The following WWC2 variants were observed in gnomAD, a reference collection of about 807,000 sequenced individuals.
WWC2 encodes the protein WW and C2 domain containing 2, also known as protein WWC2.
A neutral mutation model predicts 138.5 loss-of-function variants in WWC2; 101 were observed. That is an observed-to-expected ratio of 0.73 (90% CI 0.62 to 0.86). The LOEUF (loss-of-function observed/expected upper bound fraction) is 0.86. Among genes scored for constraint, WWC2 ranks in the 40% least tolerant of loss-of-function variants. The pLI, the probability that WWC2 is intolerant of heterozygous loss-of-function variation, is 0.00. For missense variants in WWC2, 1,420 were observed against 1,419.4 expected, an observed-to-expected ratio of 1.00 and a Z score of -0.01; for synonymous variants, 558 against 538.4, an observed-to-expected ratio of 1.04 and a Z score of -0.50.
chr4:183,216,509 A>G (rs955838061), intron 4 of WWC2, among the ~76,000 whole-genome samples: 2 of 152,222 alleles, frequency 1.3e-5, no homozygotes, highest in Non-Finnish European at 2.9e-5. Flanking sequence ...ATGAAAGATT[A>G]ACTACCACAA....
At chr4:183,103,270 A>C (rs1013079392) in intron 1 of WWC2, among the ~76,000 whole-genome samples, 2 of 151,066 alleles carry the variant, frequency 1.3e-5, no homozygotes, top group African/African-American at 4.9e-5. Flanking sequence ...GTCACAGTTA[A>C]CTTTTGGCTC....
chr4:183,298,504 T>G (rs1738714301), intron 21 of WWC2, among the ~76,000 whole-genome samples: 1 of 152,138 alleles, frequency 6.6e-6, no homozygotes, highest in South Asian at 2.1e-4. Flanking sequence ...GGTGTCAGAG[T>G]CAGATCTTAG....
At chr4:183,118,024 T>C (rs945933676) in intron 1 of WWC2, among the ~76,000 whole-genome samples, 2 of 152,090 alleles carry the variant, frequency 1.3e-5, no homozygotes, top group Non-Finnish European at 2.9e-5. Flanking sequence ...GGTCTTGAAC[T>C]GCTGACTTCG....
intron 1 of WWC2, among the ~76,000 whole-genome samples, chr4:183,169,952 T>C (rs1734231016): frequency 6.6e-6 from 1 of 152,240 alleles, no homozygotes; most frequent in African/African-American, 2.4e-5. Context: ...GAGAAGCTGC[T>C]GTAAATCACT....
At position 183,320,244 on chromosome 4, in the gene WWC2, A is replaced by G. The variant is rs1480252427; in HGVS notation, c.*4515A>G. On this transcript the variant is annotated 3_prime_UTR_variant, in exon 23 of 23. Coordinates refer to ENST00000403733, the MANE Select transcript of WWC2 (RefSeq NM_024949.6). ...TATAATGTCCTGAGAGCTTTAGCCAAACTAACTCCTGCCCTTCGGTTGCTG... is the reference window on the plus strand; with the variant it reads ...TATAATGTCCTGAGAGCTTTAGCCAGACTAACTCCTGCCCTTCGGTTGCTG... 6 of 1,586,170 alleles carry G rather than the reference A, an allele frequency of 3.8e-6. No homozygotes were observed. The highest frequency in any genetic ancestry group is 5.1e-6 in the Non-Finnish European group (6 of 1,165,618).
chr4:183,259,309 G>C (rs1386914279), intron 9 of WWC2, among the ~76,000 whole-genome samples: 1 of 152,154 alleles, frequency 6.6e-6, no homozygotes, highest in Non-Finnish European at 1.5e-5. Flanking sequence ...TCTTTGGTTA[G>C]TTTTTTGTTT....
intron 1 of WWC2, among the ~76,000 whole-genome samples, chr4:183,134,937 T>A (rs1042210215): frequency 9.9e-5 from 15 of 151,166 alleles, no homozygotes; most frequent in Admixed American, 2.0e-4. Flanking sequence ...TCTTTATTTT[T>A]TTTTTTTTAA....
chr4:183,309,486 G>A (rs1045660222), intron 21 of WWC2, among the ~76,000 whole-genome samples: 2 of 152,102 alleles, frequency 1.3e-5, no homozygotes, highest in African/African-American at 2.4e-5. Flanking sequence ...ATTTAACATC[G>A]TATGTCAATA....
intron 11 of WWC2, among the ~76,000 whole-genome samples, chr4:183,264,754 A>G (rs1034030620): frequency 6.6e-6 from 1 of 152,178 alleles, no homozygotes; most frequent in Non-Finnish European, 1.5e-5. Flanking sequence ...ACAAAGAAAA[A>G]CCATATTCTC....
At chr4:183,113,783 T>TA (rs1442134970) in intron 1 of WWC2, among the ~76,000 whole-genome samples, 1 of 151,390 alleles carries the variant, frequency 6.6e-6, no homozygotes, top group Non-Finnish European at 1.5e-5. Flanking sequence ...TTTTTTTTTT[T>TA]AGTGAGATAA....
intron 21 of WWC2, among the ~76,000 whole-genome samples, chr4:183,311,760 G>T (rs1005123601): frequency 6.6e-6 from 1 of 151,866 alleles, no homozygotes; most frequent in East Asian, 1.9e-4. Flanking sequence ...TATATTTTTA[G>T]TAGAGACGGG....
intron 1 of WWC2, among the ~76,000 whole-genome samples, chr4:183,192,979 TAAG>T (rs1735033927): frequency 6.6e-6 from 1 of 152,204 alleles, no homozygotes; most frequent in African/African-American, 2.4e-5. Context: ...AAAATGGTCT[TAAG>T]AGAGAGTATA....
At chr4:183,202,443 A>G (rs1057102961) in intron 2 of WWC2, among the ~76,000 whole-genome samples, 2 of 152,184 alleles carry the variant, frequency 1.3e-5, no homozygotes, top group Non-Finnish European at 2.9e-5. Context: ...ATCCACTGAC[A>G]AATGGAAAGT....
intron 4 of WWC2, among the ~76,000 whole-genome samples, chr4:183,237,578 T>C (rs1736466640): frequency 6.6e-6 from 1 of 152,212 alleles, no homozygotes; most frequent in Non-Finnish European, 1.5e-5. Context: ...CCTTTCCTCC[T>C]TTGAGTTCCA....
chr4:183,253,473 T>G (rs1737039518), intron 8 of WWC2, among the ~76,000 whole-genome samples: 1 of 152,198 alleles, frequency 6.6e-6, no homozygotes, highest in Non-Finnish European at 1.5e-5. Context: ...AGCCTCTGTG[T>G]ACTTGGCCTT....
At chr4:183,255,669 T>C (rs1737112518) in intron 9 of WWC2, among the ~76,000 whole-genome samples, 1 of 151,660 alleles carries the variant, frequency 6.6e-6, no homozygotes, top group Non-Finnish European at 1.5e-5. Flanking sequence ...ACATATTTGT[T>C]TGTCTTAGTT....
At chr4:183,236,020 T>C (rs1736413289) in intron 4 of WWC2, among the ~76,000 whole-genome samples, 2 of 152,232 alleles carry the variant, frequency 1.3e-5, no homozygotes, top group African/African-American at 4.8e-5. Flanking sequence ...CTGTTTTCAC[T>C]TGATTTTTGT....
At position 183,307,874 on chromosome 4, in the gene WWC2, GA is replaced by G. The variant is rs201032197; in HGVS notation, c.3385-4460del. 9.4e-3 allele frequency among the ~76,000 whole-genome samples: 1,422 copies of G among 152,084 alleles called. 8 individuals are homozygous for G. Among genetic ancestry groups the G allele is most frequent in the Non-Finnish European group, 0.014 (978 of 67,948 alleles). ...AATCTTAGCTAATGCAATAAGAAAA[GA>G]AAAAAAGGTATCCCGCTTGGGAAGG... On this transcript the variant is annotated intron_variant, in intron 21 of 22. Coordinates refer to ENST00000403733, the MANE Select transcript of WWC2 (RefSeq NM_024949.6).
At chr4:183,181,773 T>C (rs1278125029) in intron 1 of WWC2, among the ~76,000 whole-genome samples, 1 of 152,176 alleles carries the variant, frequency 6.6e-6, no homozygotes, top group Non-Finnish European at 1.5e-5. Flanking sequence ...ACCCCTGCAT[T>C]GTTCAGAAGT....
Sources: gnomAD v4.1 joint callset for allele counts (sites outside exome capture counted in the v4.1 genomes callset) on GRCh38, gnomAD v4.1.1 for gene constraint, MANE v1.5 for transcripts, NCBI Gene and HGNC (gene_info 2026-07-23, HGNC 2026-07-21) for gene names.